Variants in CELF2 observed in about 807,000 individuals in gnomAD.
CELF2 encodes CUGBP Elav-like family member 2, also known as CUG triplet repeat RNA-binding protein 2.
A neutral mutation model predicts 62.6 loss-of-function variants in CELF2; 8 were observed. That is an observed-to-expected ratio of 0.13 (90% CI 0.07 to 0.23). The LOEUF (loss-of-function observed/expected upper bound fraction) is 0.23. Ranked by LOEUF, CELF2 falls within the 10% of genes least tolerant of loss-of-function variation. CELF2 has a pLI of 1.00. For missense variants in CELF2, 333 were observed against 671.0 expected (o/e 0.50, Z 5.56); for synonymous variants, 258 against 250.0 (o/e 1.03, Z -0.30).
rs1009303856 is a variant in CELF2, at chr10:11,331,514, T to G, written c.*2461T>G. On this transcript the variant is annotated 3_prime_UTR_variant, in exon 13 of 13. Transcript: ENST00000633077. ...ATATAGTGCCAAATTCCAAAGGTAC[T>G]TCCTTCCTAGAGCTTCAGTGTGTTT... is the stretch of plus-strand genomic sequence containing the variant. 2.0e-5 allele frequency: 3 copies of G among 152,370 alleles called. No homozygotes were observed. Among genetic ancestry groups the G allele is most frequent in the Non-Finnish European group, 4.4e-5 (3 of 67,982 alleles). The allele number at this position is 152,370 out of a possible 1,614,324, so 9.4% of individuals were successfully genotyped here.
chr10:10,775,621 A>T, the CELF2 span, among the ~76,000 whole-genome samples: 42 of 146,118 alleles, frequency 2.9e-4, 1 homozygote, highest in East Asian at 3.2e-3. Flanking sequence ...CTCAAAAAAA[A>T]AAAAATATAT....
chr10:10,835,078 C>T (rs1405918018), intron 1 of CELF2, among the ~76,000 whole-genome samples: 1 of 152,156 alleles, frequency 6.6e-6, no homozygotes, highest in African/African-American at 2.4e-5. Context: ...TGGTGCCTGA[C>T]TGGAGCATTA....
At chr10:11,004,032 C>T (rs910298680), upstream of CELF2, among the ~76,000 whole-genome samples, 1 of 152,168 alleles carries the variant, frequency 6.6e-6, no homozygotes, top group Non-Finnish European at 1.5e-5. The surrounding 1 kb of genome is among the most constrained non-coding windows in gnomAD (Gnocchi z 5.0). Context: ...TAAAAACCTT[C>T]GTCTCCCCCT....
At chr10:10,924,328 T>C (rs1179057955) in intron 2 of CELF2, among the ~76,000 whole-genome samples, 1 of 146,772 alleles carries the variant, frequency 6.8e-6, no homozygotes, top group African/African-American at 2.5e-5. Context: ...ACACAGTTTA[T>C]ATCAACAGAG....
the CELF2 span, among the ~76,000 whole-genome samples, chr10:10,562,278 G>T: frequency 6.6e-6 from 1 of 152,214 alleles, no homozygotes; most frequent in African/African-American, 2.4e-5. Context: ...ATAAAACTGT[G>T]AATTATGACT....
At chr10:10,663,626 G>C in the CELF2 span, among the ~76,000 whole-genome samples, 5 of 152,264 alleles carry the variant, frequency 3.3e-5, no homozygotes, top group South Asian at 6.2e-4. Context: ...GTGGATGCTG[G>C]AAAATACAGG....
intron 9 of CELF2, among the ~76,000 whole-genome samples, chr10:11,307,374 T>C (rs749815532): frequency 6.6e-6 from 1 of 152,182 alleles, no homozygotes. Flanking sequence ...TGGGAGAAGG[T>C]CCTCCAGCAG....
At chr10:10,757,034 C>T in the CELF2 span, among the ~76,000 whole-genome samples, 15 of 151,986 alleles carry the variant, frequency 9.9e-5, no homozygotes, top group South Asian at 4.1e-4. Flanking sequence ...CCCAGCTACT[C>T]GGGAGGCTGA....
At chr10:10,650,647 G>A in the CELF2 span, among the ~76,000 whole-genome samples, 3 of 152,208 alleles carry the variant, frequency 2.0e-5, no homozygotes, top group Non-Finnish European at 4.4e-5. Context: ...TACTCTCTAG[G>A]ATGGCTATCA....
chr10:10,516,894 A>T, the CELF2 span, among the ~76,000 whole-genome samples: 2 of 152,040 alleles, frequency 1.3e-5, no homozygotes, highest in Non-Finnish European at 2.9e-5. Context: ...TTCATTCCCC[A>T]TGGACAAACC....
At chr10:10,792,373 T>G in the CELF2 span, 1 of 398,306 alleles carries the variant, frequency 2.5e-6, no homozygotes, top group Non-Finnish European at 4.4e-6. Context: ...AAGGCCTACC[T>G]TTTTCTCGTT....
rs558542590 is a variant in CELF2, at chr10:11,187,936, C to T, written c.271+22254C>T. On this transcript the variant is annotated intron_variant, in intron 2 of 12. Coordinates refer to ENST00000633077, the MANE Select transcript of CELF2 (RefSeq NM_001326342.2). The stretch of plus-strand genomic sequence containing the variant: ...GCTCGTAGTTAATACTTCCGTGCTC[C>T]GTTCCTTTGTGTAGATCCATATTTC... 3.3e-5 allele frequency among the ~76,000 whole-genome samples: 5 copies of T among 152,258 alleles called. No individual in the cohort carries two copies. In the East Asian group the frequency reaches 7.7e-4, roughly 23 times the overall value.
intron 1 of CELF2, chr10:11,018,865 G>A (rs1011388750): frequency 5.3e-5 from 8 of 152,334 alleles, no homozygotes; most frequent in African/African-American, 1.9e-4. Flanking sequence ...CTTTCCTAAG[G>A]TGGGAGAGGG....
the CELF2 span, among the ~76,000 whole-genome samples, chr10:10,463,709 C>G: frequency 1.3e-5 from 2 of 152,116 alleles, no homozygotes; most frequent in African/African-American, 4.8e-5. Context: ...GTCAATGAGT[C>G]TGCTTGGATT....
intron 1 of CELF2, among the ~76,000 whole-genome samples, chr10:11,101,445 A>G (rs1163982625): frequency 6.6e-6 from 1 of 152,192 alleles, no homozygotes; most frequent in Non-Finnish European, 1.5e-5. Flanking sequence ...TGAGACTGTG[A>G]AGAAGTTAGA....
the CELF2 span, among the ~76,000 whole-genome samples, chr10:10,698,429 C>T: frequency 6.6e-6 from 1 of 152,282 alleles, no homozygotes; most frequent in African/African-American, 2.4e-5. Context: ...ATAAGAAAGA[C>T]AAAACCTATG....
At chr10:10,514,686 G>C in the CELF2 span, among the ~76,000 whole-genome samples, 2 of 152,134 alleles carry the variant, frequency 1.3e-5, no homozygotes, top group African/African-American at 4.8e-5. Context: ...GGAAATAGTC[G>C]GTGGTGGATG....
chr10:11,003,301 A>G (rs182643455), upstream of CELF2, among the ~76,000 whole-genome samples: 32 of 152,312 alleles, frequency 2.1e-4, no homozygotes, highest in East Asian at 3.1e-3. The surrounding 1 kb of genome is among the most constrained non-coding windows in gnomAD (Gnocchi z 4.4). Flanking sequence ...AGCCCCATAT[A>G]CTACAACATG....
intron 1 of CELF2, among the ~76,000 whole-genome samples, chr10:10,844,227 G>A (rs1187416448): frequency 6.6e-6 from 1 of 151,940 alleles, no homozygotes; most frequent in Admixed American, 6.6e-5. Flanking sequence ...AACCTATTGG[G>A]TCAAATTTCT....
Sources: gnomAD v4.1 joint callset for allele counts (sites outside exome capture counted in the v4.1 genomes callset) on GRCh38, gnomAD v4.1.1 for gene constraint, Gnocchi (gnomAD v3.1) non-coding constraint, MANE v1.5 for transcripts, NCBI Gene and HGNC (gene_info 2026-07-23, HGNC 2026-07-21) for gene names.